MYO10: variants seen among roughly 807,000 people sequenced by gnomAD.
MYO10 encodes unconventional myosin-X.
In MYO10, 133 loss-of-function variants were observed where a neutral mutation model predicts 257.3. That is an observed-to-expected ratio of 0.52 (90% confidence interval 0.45 to 0.60). MYO10 has a LOEUF of 0.60. Ranked by LOEUF, MYO10 falls within the 20% of genes least tolerant of loss-of-function variation. MYO10 has a pLI of 0.00. For missense variants in MYO10, 2,399 were observed against 2,635.7 expected (o/e 0.91, Z 1.97); for synonymous variants, 1,104 against 1,028.6 (o/e 1.07, Z -1.40).
intron 21 of MYO10, among the ~76,000 whole-genome samples, chr5:16,705,929 C>G (rs572335465): frequency 6.6e-6 from 1 of 152,280 alleles, no homozygotes; most frequent in Admixed American, 6.5e-5. Flanking sequence ...TGCCAGTAAT[C>G]CCAGCACTCT....
At chr5:16,914,760 C>A (rs1745768847) in intron 1 of MYO10, among the ~76,000 whole-genome samples, 1 of 152,186 alleles carries the variant, frequency 6.6e-6, no homozygotes, top group South Asian at 2.1e-4. Flanking sequence ...TTGGAACCGG[C>A]AAGCCACCTG....
intron 2 of MYO10, among the ~76,000 whole-genome samples, chr5:16,832,103 C>A (rs1743180497): frequency 6.6e-6 from 1 of 152,106 alleles, no homozygotes; most frequent in Admixed American, 6.6e-5. Context: ...CATGCCACCA[C>A]GCCCTGCTAA....
At chr5:16,710,650 C>A (rs1485711218) in intron 21 of MYO10, 10 of 509,356 alleles carry the variant, frequency 2.0e-5, no homozygotes, top group South Asian at 1.6e-4. Flanking sequence ...TGAACAAATA[C>A]CCACACACAA....
chr5:16,924,589 C>T (rs543477537), intron 1 of MYO10, among the ~76,000 whole-genome samples: 7 of 152,206 alleles, frequency 4.6e-5, no homozygotes, highest in Non-Finnish European at 7.4e-5. Flanking sequence ...GGTACAAAAG[C>T]GTTCATGCGC....
At chr5:16,828,620 CAAAAAAAAAA>C (rs71595993) in intron 2 of MYO10, among the ~76,000 whole-genome samples, 2 of 85,766 alleles carry the variant, frequency 2.3e-5, no homozygotes, top group East Asian at 3.1e-4. Context: ...ACTCTGTCTC[CAAAAAAAAAA>C]AAAAAAAAGC....
chr5:16,935,344 C>T (rs1473246917), intron 1 of MYO10, among the ~76,000 whole-genome samples: 1 of 152,184 alleles, frequency 6.6e-6, no homozygotes, highest in Non-Finnish European at 1.5e-5. Context: ...GTGTTTGAAC[C>T]CCTGCACAGG....
At chr5:16,821,009 C>A (rs916872092) in intron 2 of MYO10, among the ~76,000 whole-genome samples, 1 of 145,290 alleles carries the variant, frequency 6.9e-6, no homozygotes, top group East Asian at 2.0e-4. Flanking sequence ...TCTTAAGATA[C>A]CTTATATCCT....
chr5:16,709,170 G>C (rs1045974956), intron 21 of MYO10, among the ~76,000 whole-genome samples: 1 of 152,206 alleles, frequency 6.6e-6, no homozygotes, highest in African/African-American at 2.4e-5. Context: ...GCTTACCCCA[G>C]CTATAGGGTG....
At position 16,666,699 on chromosome 5, in the gene MYO10, G is replaced by A. The variant is rs576931294; in HGVS notation, c.6170C>T (p.Ser2057Phe). Residue 2057 changes from serine to phenylalanine, a missense_variant, in exon 41 of 41, where the codon TCC becomes TTC. This residue lies in a region of MYO10 where 1,820 missense variants were observed against 1,939.4 expected (regional missense o/e 0.94). Coordinates refer to ENST00000513610, the MANE Select transcript of MYO10 (RefSeq NM_012334.3). ...TTRSASSQGS[S>F]R ...GTGGGCTCTGTCCCGCCTTCACCTG[G>A]AGCTGCCCTGGCTGCTGGCGGAGCG... 3 of 1,601,674 alleles carry A rather than the reference G, an allele frequency of 1.9e-6. No individual in the cohort carries two copies. The highest frequency in any genetic ancestry group is 4.5e-5 in the East Asian group (2 of 44,624).
chr5:16,892,630 G>A (rs113507093), intron 1 of MYO10, among the ~76,000 whole-genome samples: 5,379 of 152,240 alleles, frequency 0.035, 140 homozygotes, highest in African/African-American at 0.066. Context: ...GTGACAGAGC[G>A]AGAGCCTATC....
At position 16,694,351 on chromosome 5, in the gene MYO10, A is replaced by T; in HGVS notation, c.3800+20T>A. The T allele has an allele frequency of 6.2e-7, 1 of 1,613,654 alleles. No individual in the cohort carries two copies. Reference sequence around the variant, plus strand: ...AACCATGAGCAACCCATCGGGCCACAGCCAGGCTTAGCAACCTACTTTGCC... The same window carrying T: ...AACCATGAGCAACCCATCGGGCCACTGCCAGGCTTAGCAACCTACTTTGCC... On this transcript the variant is annotated intron_variant, in intron 27 of 40. Coordinates refer to ENST00000513610, the MANE Select transcript of MYO10 (RefSeq NM_012334.3).
rs60747893 is a variant in MYO10 at position 16,890,275 on chromosome 5, C to T, written c.22-12568G>A. Among the ~76,000 whole-genome samples, 102 of 151,986 alleles carry T rather than the reference C, an allele frequency of 6.7e-4. No homozygotes were observed. In the East Asian group the frequency reaches 0.018, roughly 27 times the overall value. Reference sequence around the variant, plus strand: ...GTGGAGAAACTAGAACCCTCGTGCACTGCTGCTAAGAATGTGAAATGATGC... The same window carrying T: ...GTGGAGAAACTAGAACCCTCGTGCATTGCTGCTAAGAATGTGAAATGATGC... On this transcript the variant is annotated intron_variant, in intron 1 of 40. Coordinates refer to ENST00000513610, the MANE Select transcript of MYO10 (RefSeq NM_012334.3).
At chr5:16,921,225 T>C (rs1297614736) in intron 1 of MYO10, among the ~76,000 whole-genome samples, 2 of 152,088 alleles carry the variant, frequency 1.3e-5, no homozygotes, top group Admixed American at 1.3e-4. Flanking sequence ...TACCTTGACA[T>C]AACTTGACAT....
At chr5:16,867,595 G>C (rs1046805442) in intron 2 of MYO10, among the ~76,000 whole-genome samples, 5 of 152,094 alleles carry the variant, frequency 3.3e-5, no homozygotes, top group Non-Finnish European at 2.9e-5. Flanking sequence ...TCACAAAATT[G>C]GGCCGATGGC....
chr5:16,928,105 A>G (rs149685093), intron 1 of MYO10, among the ~76,000 whole-genome samples: 193 of 152,366 alleles, frequency 1.3e-3, no homozygotes, highest in African/African-American at 3.8e-3. Flanking sequence ...ATTAATTGAC[A>G]GCTGGAATTA....
chr5:16,820,183 T>A (rs1026377658), intron 2 of MYO10, among the ~76,000 whole-genome samples: 4 of 152,208 alleles, frequency 2.6e-5, no homozygotes, highest in Admixed American at 6.5e-5. Context: ...ATCAACACCA[T>A]GGAAGAAAGT....
At chr5:16,830,137 G>C (rs781371873) in intron 2 of MYO10, among the ~76,000 whole-genome samples, 53 of 152,024 alleles carry the variant, frequency 3.5e-4, no homozygotes, top group Non-Finnish European at 4.3e-4. Context: ...TTGGGAGGCT[G>C]AGGTTGACGA....
chr5:16,931,904 T>C (rs181527332), intron 1 of MYO10, among the ~76,000 whole-genome samples: 7 of 152,252 alleles, frequency 4.6e-5, no homozygotes, highest in East Asian at 1.9e-4. Flanking sequence ...AAGATGTCAA[T>C]AGATCACAAA....
chr5:16,871,589 T>C (rs1309914153), intron 2 of MYO10, among the ~76,000 whole-genome samples: 1 of 151,766 alleles, frequency 6.6e-6, no homozygotes, highest in Admixed American at 6.6e-5. Flanking sequence ...ACTGGGTAAC[T>C]GAGCAAAATC....
Sources: allele counts gnomAD v4.1 joint callset (sites outside exome capture counted in the v4.1 genomes callset), GRCh38; gene constraint gnomAD v4.1.1; regional missense constraint gnomAD v4.1.1; transcripts MANE v1.5; gene names NCBI Gene and HGNC (gene_info 2026-07-23, HGNC 2026-07-21).